The following FREM3 variants were observed in gnomAD, a reference collection of about 807,000 sequenced individuals.
FREM3 encodes the protein FRAS1-related extracellular matrix protein 3.
A neutral mutation model predicts 129.1 loss-of-function variants in FREM3; 105 were observed. That is an observed-to-expected ratio of 0.81 (90% CI 0.69 to 0.96). FREM3 has a LOEUF of 0.96. Among genes scored for constraint, FREM3 ranks in the 40% least tolerant of loss-of-function variants. The pLI, the probability that FREM3 is intolerant of heterozygous loss-of-function variation, is 0.00. For missense variants in FREM3, 2,593 were observed against 2,666.3 expected, an observed-to-expected ratio of 0.97 and a Z score of 0.61; for synonymous variants, 1,014 against 1,044.9, an observed-to-expected ratio of 0.97 and a Z score of 0.57.
rs760192352 is a variant in FREM3 at position 143,698,491 on chromosome 4, G to A, written c.2185C>T (p.Arg729Ter). 47 of 1,537,708 alleles carry A rather than the reference G, an allele frequency of 3.1e-5. No individual in the cohort carries two copies. The highest frequency in any genetic ancestry group is 1.7e-4 in the Middle Eastern group (1 of 5,996). Residue 729 changes from arginine to a stop codon, truncating the protein, a stop_gained, in exon 1 of 8, where the codon CGA becomes TGA. Transcript: ENST00000329798. LOFTEE classifies it high-confidence loss of function. The stretch of plus-strand genomic sequence containing the variant: ...TCATCAGAGTCCTGGTCAATGTATC[G>A]GAGGAAATTCTTCTGGAAGTGAGTG... ...QLTHFQKNFL[R>*]YIDQDSDDQN...
rs1176657929 is a variant in FREM3, at chr4:143,697,590, T to G, written c.3086A>C (p.Gln1029Pro). The G allele has an allele frequency of 5.9e-6, 9 of 1,537,548 alleles. No individual in the cohort carries two copies. Among genetic ancestry groups the G allele is most frequent in the African/African-American group, 2.7e-5 (2 of 73,028 alleles). The change falls in exon 1 of 8, where the codon CAA becomes CCA. Residue 1029 changes from glutamine (Q) to proline (P), a missense_variant. Physicochemically the swap from Gln to Pro is moderately conservative, Grantham distance 76. Transcript: ENST00000329798. ...YAHTAGEVGFQKQHDAFSLIL... is the reference protein window; with the variant it reads ...YAHTAGEVGFPKQHDAFSLIL... ...GAGGCTGAAGGCATCGTGCTGCTTTTGAAAACCAACTTCACCTGCAGTGTG... is the reference window on the plus strand; with the variant it reads ...GAGGCTGAAGGCATCGTGCTGCTTTGGAAAACCAACTTCACCTGCAGTGTG...
At chr4:143,583,533 G>T (rs1178792603) in intron 7 of FREM3, among the ~76,000 whole-genome samples, 1 of 151,046 alleles carries the variant, frequency 6.6e-6, no homozygotes, top group African/African-American at 2.4e-5. Context: ...TGACATGAAA[G>T]AAAAAAATAT....
At chr4:143,663,985 T>A (rs1308972543) in intron 2 of FREM3, among the ~76,000 whole-genome samples, 2 of 152,150 alleles carry the variant, frequency 1.3e-5, no homozygotes, top group Non-Finnish European at 2.9e-5. Context: ...CATACATTCA[T>A]CTAAATGTTT....
rs532965122 is a variant in FREM3, at chr4:143,624,255, G to C, written c.5506C>G (p.Gln1836Glu). 82 of 1,536,908 alleles carry C rather than the reference G, an allele frequency of 5.3e-5. No homozygotes were observed. In the African/African-American group the frequency reaches 1.1e-3, roughly 20 times the overall value. The change falls in exon 4 of 8, where the codon CAG (glutamine) becomes GAG (glutamate). Residue 1836 changes from glutamine (Q) to glutamate (E), a missense_variant. By Grantham distance (29) the Gln-to-Glu change is conservative. Around this residue, in one of 2 missense-constraint regions of FREM3, gnomAD observed 317 missense variants for 399.0 expected, o/e 0.79. Coordinates refer to ENST00000329798, the MANE Select transcript of FREM3 (RefSeq NM_001168235.2). ...CTCACCCTCCATGTGGCTGTAGTCT[G>C]TCCAGGATTGAACTGGATCTGTTTA... ...TNKQIQFNPG[Q>E]TTATWRVRII...
chr4:143,610,319 A>G (rs753222468), intron 6 of FREM3, among the ~76,000 whole-genome samples: 15 of 152,158 alleles, frequency 9.9e-5, no homozygotes, highest in Non-Finnish European at 1.9e-4. Flanking sequence ...CTCTTGTTCT[A>G]TGGTTGTTAT....
chr4:143,579,145 A>C (rs1738091200), intron 7 of FREM3, among the ~76,000 whole-genome samples: 1 of 152,126 alleles, frequency 6.6e-6, no homozygotes, highest in East Asian at 1.9e-4. Flanking sequence ...AAAAGGCACC[A>C]AATAGTGACA....
Position 143,698,707 on chromosome 4 carries a change from A to G in FREM3, c.1969T>C (p.Tyr657His). The G allele has an allele frequency of 1.3e-6, 2 of 1,537,366 alleles. No individual in the cohort carries two copies. The highest frequency in any genetic ancestry group is 1.7e-6 in the Non-Finnish European group (2 of 1,146,938). Residue 657 changes from tyrosine to histidine, a missense_variant, in exon 1 of 8, where the codon TAC becomes CAC. Around this residue, in one of 2 missense-constraint regions of FREM3, gnomAD observed 2,276 missense variants for 2,267.2 expected, o/e 1.00. Transcript: ENST00000329798. ...QRDIMEGRLF[Y>H]RHLGPHSPQS... ...GGGCTGTGTGGTCCAAGATGGCGGT[A>G]GAAGAGTCTCCCTTCCATTATGTCT...
chr4:143,661,689 G>A (rs549211483), intron 2 of FREM3, among the ~76,000 whole-genome samples: 1 of 152,250 alleles, frequency 6.6e-6, no homozygotes, highest in African/African-American at 2.4e-5. Context: ...TATACCTCTG[G>A]TAGAATTCGG....
At chr4:143,660,836 CTT>C (rs1309944399) in intron 2 of FREM3, among the ~76,000 whole-genome samples, 1 of 152,108 alleles carries the variant, frequency 6.6e-6, no homozygotes, top group Non-Finnish European at 1.5e-5. Flanking sequence ...ATTTTATTCT[CTT>C]TGAAGCAATT....
intron 2 of FREM3, among the ~76,000 whole-genome samples, chr4:143,650,074 A>G (rs1337974193): frequency 1.3e-5 from 2 of 152,228 alleles, no homozygotes; most frequent in African/African-American, 4.8e-5. Flanking sequence ...CATAAATGCT[A>G]TCGCACAGTC....
chr4:143,684,036 T>C lies in FREM3; in HGVS notation c.5275+9077A>G, dbSNP rs558419737. ...AGGAAAGTCTGAGCTTTGACACACC[T>C]AGCCCCTCCCTCACATGATGGGCCT... On this transcript the variant is annotated intron_variant, in intron 2 of 7. Transcript: ENST00000329798. 1.6e-4 allele frequency among the ~76,000 whole-genome samples: 24 copies of C among 152,222 alleles called. No individual in the cohort carries two copies. In the South Asian group the frequency reaches 5.0e-3, roughly 32 times the overall value.
chr4:143,645,268 G>T (rs1348803613), intron 2 of FREM3: 1 of 152,166 alleles, frequency 6.6e-6, no homozygotes, highest in African/African-American at 2.4e-5. Flanking sequence ...CTGAGAAAAA[G>T]AGGCACCAAT....
intron 6 of FREM3, among the ~76,000 whole-genome samples, chr4:143,600,179 G>T (rs949282663): frequency 1.3e-5 from 2 of 152,094 alleles, no homozygotes; most frequent in African/African-American, 2.4e-5. Context: ...AATGGCATTT[G>T]CAGCAACCTG....
At chr4:143,683,663 G>C (rs1056844753) in intron 2 of FREM3, among the ~76,000 whole-genome samples, 6 of 152,186 alleles carry the variant, frequency 3.9e-5, no homozygotes, top group African/African-American at 1.4e-4. Flanking sequence ...AAGCCTCCTG[G>C]CCAGAACCCG....
chr4:143,664,621 T>A (rs1578858575), intron 2 of FREM3, among the ~76,000 whole-genome samples: 2 of 152,154 alleles, frequency 1.3e-5, no homozygotes, highest in South Asian at 2.1e-4. Flanking sequence ...TTCAAAGCTG[T>A]CAGACTTGGA....
intron 2 of FREM3, among the ~76,000 whole-genome samples, chr4:143,680,240 G>A (rs890276344): frequency 3.3e-5 from 5 of 149,898 alleles, no homozygotes; most frequent in Admixed American, 1.3e-4. Flanking sequence ...ATGTATATAT[G>A]GAATAGGGAA....
At chr4:143,654,669 T>TA (rs1323989101) in intron 2 of FREM3, among the ~76,000 whole-genome samples, 1 of 152,228 alleles carries the variant, frequency 6.6e-6, no homozygotes, top group Non-Finnish European at 1.5e-5. Flanking sequence ...GTGTTTTATA[T>TA]ATTTTGCTGT....
chr4:143,672,076 C>T (rs1432366789), intron 2 of FREM3, among the ~76,000 whole-genome samples: 1 of 152,180 alleles, frequency 6.6e-6, no homozygotes, highest in African/African-American at 2.4e-5. Flanking sequence ...ATTCCACTGG[C>T]TAGCGAGCTA....
At chr4:143,676,988 T>A (rs1314421568) in intron 2 of FREM3, among the ~76,000 whole-genome samples, 2 of 152,136 alleles carry the variant, frequency 1.3e-5, no homozygotes, top group South Asian at 2.1e-4. Context: ...TATAGATTCA[T>A]TGCCATCCCC....
Sources: gnomAD v4.1 joint callset for allele counts (sites outside exome capture counted in the v4.1 genomes callset) on GRCh38, gnomAD v4.1.1 for gene constraint, gnomAD v4.1.1 regional missense constraint, MANE v1.5 for transcripts, NCBI Gene and HGNC (gene_info 2026-07-23, HGNC 2026-07-21) for gene names.